OR1B1: variants seen among roughly 807,000 people sequenced by gnomAD.
The protein encoded by OR1B1 is olfactory receptor family 1 subfamily B member 1.
For missense variants in OR1B1, 414 were observed against 402.1 expected, an observed-to-expected ratio of 1.03 and a Z score of -0.25; for synonymous variants, 168 against 156.2, an observed-to-expected ratio of 1.08 and a Z score of -0.57.
the OR1B1 span, among the ~76,000 whole-genome samples, chr9:122,644,327 C>T: frequency 6.6e-6 from 1 of 152,196 alleles, no homozygotes. Context: ...CTGGCAGAAG[C>T]CCCATGGACC....
At chr9:122,634,346 A>AAG (rs1490754471), upstream of OR1B1, among the ~76,000 whole-genome samples, 1 of 151,798 alleles carries the variant, frequency 6.6e-6, no homozygotes, top group Non-Finnish European at 1.5e-5. Context: ...AAAAAAAAAA[A>AAG]AAAGAAAAGA....
At position 122,628,761 on chromosome 9, in the gene OR1B1, C is replaced by T. The variant is rs747345041; in HGVS notation, c.775G>A (p.Gly259Ser). The T allele has an allele frequency of 2.0e-5, 33 of 1,613,934 alleles. No homozygotes were observed. The highest frequency in any genetic ancestry group is 4.5e-5 in the East Asian group (2 of 44,890). The change falls in exon 1 of 1, where the codon GGC becomes AGC. Residue 259 changes from glycine (G) to serine (S), a missense_variant. Gly to Ser is a moderately conservative substitution (Grantham distance 56). Transcript: ENST00000623530. ...TGGAAGTAGACACAAATGATGGTGC[C>T]GTAGAGGAAACCAACCATGGTGAGG...
At chr9:122,646,893 G>C in the OR1B1 span, among the ~76,000 whole-genome samples, 1 of 151,184 alleles carries the variant, frequency 6.6e-6, no homozygotes, top group African/African-American at 2.5e-5. Context: ...TAAGACATAA[G>C]GAGAAACAAC....
the OR1B1 span, among the ~76,000 whole-genome samples, chr9:122,638,631 A>G: frequency 6.6e-6 from 1 of 152,142 alleles, no homozygotes; most frequent in Non-Finnish European, 1.5e-5. Context: ...ATTTGCCAAG[A>G]CCTTATGGAA....
At chr9:122,650,254 TG>T in the OR1B1 span, among the ~76,000 whole-genome samples, 1 of 151,622 alleles carries the variant, frequency 6.6e-6, no homozygotes, top group African/African-American at 2.4e-5. Flanking sequence ...TGTCGGTGGG[TG>T]GGGGGCTAGA....
At chr9:122,637,138 G>A in the OR1B1 span, 1 of 152,136 alleles carries the variant, frequency 6.6e-6, no homozygotes, top group Admixed American at 6.5e-5. Flanking sequence ...CCTGCATTAG[G>A]GAAAGAGGGA....
At position 122,629,350 on chromosome 9, in the gene OR1B1, A is replaced by T; in HGVS notation, c.186T>A (p.Tyr62Ter). The change falls in exon 1 of 1, where the codon TAT (tyrosine) becomes TAA (stop). Residue 62 changes from tyrosine (Y) to a stop codon, truncating the protein, a stop_gained. Coordinates refer to ENST00000623530, the Ensembl canonical transcript of OR1B1. LOFTEE classifies it low-confidence loss of function (END_TRUNC). Reference sequence around the variant, plus strand: ...TCACAGAGAGGCCACGAAGCAGATAATACATGGGTGAGTGCAGTCTGGAGT... The same window carrying T: ...TCACAGAGAGGCCACGAAGCAGATATTACATGGGTGAGTGCAGTCTGGAGT... 2 of 1,614,128 alleles carry T rather than the reference A, an allele frequency of 1.2e-6. No homozygotes were observed. The highest frequency in any genetic ancestry group is 1.7e-6 in the Non-Finnish European group (2 of 1,180,004).
chr9:122,639,222 A>T, the OR1B1 span, among the ~76,000 whole-genome samples: 1 of 152,148 alleles, frequency 6.6e-6, no homozygotes, highest in Non-Finnish European at 1.5e-5. Context: ...TATATATTAT[A>T]TACGTCTATG....
exon 1 of OR1B1, chr9:122,628,654 A>G (rs1196022965): frequency 1.2e-6 from 2 of 1,614,136 alleles, no homozygotes. Flanking sequence ...GGCTATACAC[A>G]AATGGGTTGG....
upstream of OR1B1, among the ~76,000 whole-genome samples, chr9:122,631,024 C>T (rs114679698): frequency 1.8e-3 from 271 of 151,434 alleles, no homozygotes; most frequent in African/African-American, 6.2e-3. Flanking sequence ...TTAAACTAGA[C>T]ATTTTTTCTT....
chr9:122,645,587 CTTTTCAGTG>C, the OR1B1 span, among the ~76,000 whole-genome samples: 1 of 152,064 alleles, frequency 6.6e-6, no homozygotes, highest in Non-Finnish European at 1.5e-5. Context: ...TGGCAGAAGA[CTTTTCAGTG>C]GAAACCTTAC....
At chr9:122,635,427 G>C in the OR1B1 span, among the ~76,000 whole-genome samples, 1 of 152,156 alleles carries the variant, frequency 6.6e-6, no homozygotes, top group Admixed American at 6.5e-5. Context: ...TTGTAGGATG[G>C]ATGTCTAGAG....
upstream of OR1B1, among the ~76,000 whole-genome samples, chr9:122,632,470 A>T (rs149864128): frequency 0.012 from 1,834 of 152,234 alleles, 22 homozygotes; most frequent in Non-Finnish European, 0.016. Flanking sequence ...GTATTTGGTT[A>T]CAAGAGTAAG....
the OR1B1 span, among the ~76,000 whole-genome samples, chr9:122,657,396 T>C: frequency 3.4e-5 from 5 of 144,994 alleles, no homozygotes; most frequent in Non-Finnish European, 5.9e-5. Flanking sequence ...TTAGCAGACC[T>C]AGAATTCAAG....
At chr9:122,628,912 C>T (rs767870348) in exon 1 of OR1B1, 1 of 1,614,104 alleles carries the variant, frequency 6.2e-7, no homozygotes, top group East Asian at 2.2e-5. Flanking sequence ...GGAAGCCACC[C>T]TCAAAGAATA....
At chr9:122,640,169 T>C in the OR1B1 span, among the ~76,000 whole-genome samples, 316 of 152,276 alleles carry the variant, frequency 2.1e-3, no homozygotes, top group African/African-American at 7.2e-3. Context: ...TTCTTTACTA[T>C]TATTATCCAC....
At chr9:122,648,102 C>A in the OR1B1 span, among the ~76,000 whole-genome samples, 13 of 151,820 alleles carry the variant, frequency 8.6e-5, no homozygotes, top group African/African-American at 2.9e-4. Context: ...AGAGATACAA[C>A]AAAAAAAGAA....
the OR1B1 span, among the ~76,000 whole-genome samples, chr9:122,637,957 C>T: frequency 2.0e-5 from 3 of 152,236 alleles, no homozygotes; most frequent in Middle Eastern, 6.8e-3. Flanking sequence ...TATAACTCTA[C>T]ATAAATATTT....
At chr9:122,642,515 C>G in the OR1B1 span, among the ~76,000 whole-genome samples, 1 of 151,552 alleles carries the variant, frequency 6.6e-6, no homozygotes, top group African/African-American at 2.4e-5. Flanking sequence ...GATCTTTCCT[C>G]TAGAGCCACC....
Sources: allele counts gnomAD v4.1 joint callset (sites outside exome capture counted in the v4.1 genomes callset), GRCh38; gene constraint gnomAD v4.1.1; transcripts MANE v1.5; gene names NCBI Gene and HGNC (gene_info 2026-07-23, HGNC 2026-07-21).